The following PTPRD variants were observed in gnomAD, a reference collection of about 807,000 sequenced individuals.
PTPRD encodes receptor-type tyrosine-protein phosphatase delta.
PTPRD carries 34 observed loss-of-function variants against 214.5 expected under a neutral mutation model. That is an observed-to-expected ratio of 0.16 (90% CI 0.12 to 0.21). PTPRD has a LOEUF of 0.21. PTPRD is among the 10% of genes least tolerant of loss of function. The pLI is 1.00. For missense variants in PTPRD, 2,545 were observed against 2,398.7 expected (o/e 1.06, Z -1.27); for synonymous variants, 1,128 against 845.7 (o/e 1.33, Z -5.79).
intron 35 of PTPRD, among the ~76,000 whole-genome samples, chr9:8,433,201 G>A (rs546673822): frequency 6.6e-6 from 1 of 152,288 alleles, no homozygotes; most frequent in African/African-American, 2.4e-5. Context: ...TGTGGTAGCT[G>A]TCGTAACGTC....
intron 3 of PTPRD, among the ~76,000 whole-genome samples, chr9:10,146,532 C>T (rs1375314315): frequency 2.0e-5 from 3 of 151,972 alleles, no homozygotes; most frequent in Admixed American, 2.0e-4. Context: ...TGCCAAGAAG[C>T]TAAAGATCAT....
intron 2 of PTPRD, among the ~76,000 whole-genome samples, chr9:10,351,063 T>C (rs2097173894): frequency 6.6e-6 from 1 of 152,098 alleles, no homozygotes; most frequent in Non-Finnish European, 1.5e-5. Context: ...GGAGGTTCAC[T>C]AGGAAGATAC....
chr9:9,431,390 A>C (rs1284779486), intron 8 of PTPRD, among the ~76,000 whole-genome samples: 1 of 152,204 alleles, frequency 6.6e-6, no homozygotes, highest in African/African-American at 2.4e-5. Flanking sequence ...CGATCATTAA[A>C]AAGTCAGGAA....
At chr9:10,061,712 C>G (rs417403) in intron 3 of PTPRD, among the ~76,000 whole-genome samples, 1 of 151,930 alleles carries the variant, frequency 6.6e-6, no homozygotes. Flanking sequence ...AAGAAACATT[C>G]TTTTTCACAG....
intron 7 of PTPRD, among the ~76,000 whole-genome samples, chr9:9,645,193 T>A (rs1307076164): frequency 6.6e-6 from 1 of 152,192 alleles, no homozygotes; most frequent in African/African-American, 2.4e-5. Context: ...CACATCCCCA[T>A]TGCAAGTTCC....
intron 3 of PTPRD, among the ~76,000 whole-genome samples, chr9:10,064,244 T>C (rs1304274894): frequency 1.3e-5 from 2 of 152,008 alleles, no homozygotes; most frequent in African/African-American, 2.4e-5. Context: ...GTGAATTGTT[T>C]TGAGGGGCAT....
At chr9:10,446,133 C>G (rs888258770) in intron 2 of PTPRD, among the ~76,000 whole-genome samples, 1 of 151,914 alleles carries the variant, frequency 6.6e-6, no homozygotes, top group African/African-American at 2.4e-5. Context: ...CACCCCACCC[C>G]CTTTGAAATA....
chr9:8,886,295 A>G (rs1010104923), intron 11 of PTPRD, among the ~76,000 whole-genome samples: 8 of 152,148 alleles, frequency 5.3e-5, no homozygotes, highest in Non-Finnish European at 1.0e-4. Context: ...TTCACTAACT[A>G]TGTAATTGCC....
intron 12 of PTPRD, among the ~76,000 whole-genome samples, chr9:8,683,712 C>T: frequency 6.6e-6 from 1 of 152,202 alleles, no homozygotes; most frequent in Non-Finnish European, 1.5e-5. Context: ...TGTGACAGCA[C>T]TGGCCATAGA....
Position 8,412,657 on chromosome 9 carries a change from T to A in PTPRD, c.4087-7997A>T, listed in dbSNP as rs546852981. ...GTGACTTGTATAAGAACATCCCTGA[T>A]AGAAGACTATCTTAGCCTCCAAGGA... On this transcript the variant is annotated intron_variant, in intron 35 of 45. Coordinates refer to ENST00000381196, the MANE Select transcript of PTPRD (RefSeq NM_002839.4). Among the ~76,000 whole-genome samples the A allele has an allele frequency of 2.6e-5, 4 of 152,240 alleles. No homozygotes were observed. In the South Asian group the frequency reaches 8.3e-4, roughly 32 times the overall value.
chr9:9,594,568 G>A (rs1039073270), intron 7 of PTPRD, among the ~76,000 whole-genome samples: 5 of 152,054 alleles, frequency 3.3e-5, no homozygotes, highest in African/African-American at 1.2e-4. Context: ...CTTTGTCAAA[G>A]ATCAGTTGGC....
intron 8 of PTPRD, among the ~76,000 whole-genome samples, chr9:9,521,868 T>C (rs571823549): frequency 1.1e-3 from 169 of 152,096 alleles, no homozygotes; most frequent in Non-Finnish European, 1.5e-3. Flanking sequence ...AAAAAAATGG[T>C]CTGTTCTGGC....
chr9:9,715,477 A>G (rs964574706), intron 7 of PTPRD, among the ~76,000 whole-genome samples: 2 of 152,222 alleles, frequency 1.3e-5, no homozygotes, highest in African/African-American at 4.8e-5. Flanking sequence ...AGAAATAAAA[A>G]AATAAAAAAT....
chr9:9,797,317 A>T (rs2099009368), intron 5 of PTPRD, among the ~76,000 whole-genome samples: 1 of 144,690 alleles, frequency 6.9e-6, no homozygotes, highest in Non-Finnish European at 1.5e-5. Flanking sequence ...CAAATTTTTA[A>T]AAAAATTAAA....
At chr9:10,428,947 T>C (rs1170840899) in intron 2 of PTPRD, among the ~76,000 whole-genome samples, 1 of 152,036 alleles carries the variant, frequency 6.6e-6, no homozygotes, top group Non-Finnish European at 1.5e-5. Context: ...TCTGTAGTTA[T>C]AAAATAAAGA....
intron 9 of PTPRD, among the ~76,000 whole-genome samples, chr9:9,385,118 C>T (rs2063488922): frequency 6.6e-6 from 1 of 152,022 alleles, no homozygotes; most frequent in Non-Finnish European, 1.5e-5. Context: ...AGGATGTAGA[C>T]ATAATATCAA....
chr9:10,414,586 G>A (rs1021649034), intron 2 of PTPRD, among the ~76,000 whole-genome samples: 47 of 151,808 alleles, frequency 3.1e-4, no homozygotes, highest in African/African-American at 1.1e-3. Context: ...TCCCATTACT[G>A]GCTATATGCC....
chr9:9,002,904 A>G (rs1207761363), intron 11 of PTPRD, among the ~76,000 whole-genome samples: 4 of 152,050 alleles, frequency 2.6e-5, no homozygotes, highest in Admixed American at 6.6e-5. Context: ...TTTCAGTGGT[A>G]TGTTGGACCA....
intron 6 of PTPRD, among the ~76,000 whole-genome samples, chr9:9,747,830 GACGTGAGCC>G (rs1338551587): frequency 3.3e-5 from 5 of 152,122 alleles, no homozygotes; most frequent in African/African-American, 1.2e-4. Flanking sequence ...TGGGATTAGA[GACGTGAGCC>G]ACTGCACCTG....
Sources: gnomAD v4.1 joint callset for allele counts (sites outside exome capture counted in the v4.1 genomes callset) on GRCh38, gnomAD v4.1.1 for gene constraint, MANE v1.5 for transcripts, NCBI Gene and HGNC (gene_info 2026-07-23, HGNC 2026-07-21) for gene names.